The following DGKH variants were observed in gnomAD, a reference collection of about 807,000 sequenced individuals.
DGKH encodes diacylglycerol kinase eta.
A neutral mutation model predicts 159.3 loss-of-function variants in DGKH; 90 were observed. The ratio of observed to expected loss-of-function variants is 0.57; its 90% CI spans 0.48 to 0.67. The LOEUF (loss-of-function observed/expected upper bound fraction) is 0.67, where lower values mean the gene tolerates loss of function less well. Among genes scored for constraint, DGKH ranks in the 30% least tolerant of loss-of-function variants. The probability of loss-of-function intolerance (pLI) is 0.00; values close to 1 mark genes in which losing one functional copy is unlikely to be tolerated. For missense variants in DGKH, 1,181 were observed against 1,506.1 expected, an observed-to-expected ratio of 0.78 and a Z score of 3.57; for synonymous variants, 536 against 553.8, an observed-to-expected ratio of 0.97 and a Z score of 0.45.
At chr13:42,178,834 C>T (rs1242898354) in intron 13 of DGKH, among the ~76,000 whole-genome samples, 1 of 152,018 alleles carries the variant, frequency 6.6e-6, no homozygotes, top group Non-Finnish European at 1.5e-5. Flanking sequence ...GAAGGGGTGA[C>T]ACCAACTGAA....
chr13:42,219,881 G>A, intron 28 of DGKH, 87 bp downstream of exon 28: 1 of 1,149,742 alleles, frequency 8.7e-7, no homozygotes. Context: ...AAAATGTTCT[G>A]GAGCTAGATG....
chr13:42,041,948 G>C (rs1347639977), intron 1 of DGKH, among the ~76,000 whole-genome samples: 1 of 152,214 alleles, frequency 6.6e-6, no homozygotes, highest in Non-Finnish European at 1.5e-5. Flanking sequence ...TCAGGTGCCA[G>C]GGTTGGCTGT....
chr13:42,071,903 C>G (rs895458447), intron 1 of DGKH, among the ~76,000 whole-genome samples: 2 of 152,162 alleles, frequency 1.3e-5, no homozygotes, highest in African/African-American at 4.8e-5. Flanking sequence ...TTAAAAGGAA[C>G]AACCCTGAGA....
At position 42,210,681 on chromosome 13, in the gene DGKH, A is replaced by G. The variant is rs1366943797; in HGVS notation, c.2930A>G (p.Tyr977Cys). The change falls in exon 24 of 30, where the codon TAC becomes TGC. Residue 977 changes from tyrosine (Y) to cysteine (C), a missense_variant. Around this residue, in one of 5 missense-constraint regions of DGKH, gnomAD observed 335 missense variants for 495.2 expected, o/e 0.68. Coordinates refer to ENST00000337343, the MANE Select transcript of DGKH (RefSeq NM_178009.5). ...AAACCAGTTCTCCGAACCCATTTGT[A>G]CATCCATCACGCCATTGACTTGGCA... ...SGKPVLRTHL[Y>C]IHHAIDLATE... is the part of the protein sequence containing the mutation. The G allele has an allele frequency of 2.5e-6, 4 of 1,612,172 alleles. No individual in the cohort carries two copies. The highest frequency in any genetic ancestry group is 2.5e-6 in the Non-Finnish European group (3 of 1,179,952).
At chr13:42,205,305 C>G (rs1322457568) in intron 20 of DGKH, among the ~76,000 whole-genome samples, 7 of 152,138 alleles carry the variant, frequency 4.6e-5, no homozygotes, top group African/African-American at 1.7e-4. Context: ...CTAATTGTTT[C>G]CTTAATAGCC....
Position 42,143,545 on chromosome 13 carries a change from G to A in DGKH, c.385-11746G>A, listed in dbSNP as rs530181422. ...GTCTGGTCCTGGACTTTTTTTGGTT[G>A]GTAAGCTATTAATTATTGCCTCAAT... On this transcript the variant is annotated intron_variant, in intron 3 of 29. Transcript: ENST00000337343. Among the ~76,000 whole-genome samples the A allele has an allele frequency of 2.9e-3, 444 of 152,140 alleles. 2 individuals are homozygous for A. Among genetic ancestry groups the A allele is most frequent in the African/African-American group, 0.01 (432 of 41,488 alleles).
chr13:42,152,798 G>C (rs1020969988), intron 3 of DGKH, among the ~76,000 whole-genome samples: 11 of 151,868 alleles, frequency 7.2e-5, no homozygotes. Context: ...GGACTCCTCC[G>C]CGGGACCTGT....
In DGKH at chr13:42,142,156, G is replaced by A. The variant is rs141334971; in HGVS notation, c.384+12524G>A. On this transcript the variant is annotated intron_variant, in intron 3 of 29. Coordinates refer to ENST00000337343, the MANE Select transcript of DGKH (RefSeq NM_178009.5). ...AGCACCATTTATTAAATAGGGAATCGTTTCCCCATTTCTTGTTTTAGTCAG... is the reference window on the plus strand; with the variant it reads ...AGCACCATTTATTAAATAGGGAATCATTTCCCCATTTCTTGTTTTAGTCAG... Among the ~76,000 whole-genome samples the A allele has an allele frequency of 7.9e-3, 1,202 of 152,040 alleles. 14 individuals carry two copies. Among genetic ancestry groups the A allele is most frequent in the African/African-American group, 0.027 (1,112 of 41,474 alleles).
chr13:42,125,918 A>G (rs1219694461), intron 1 of DGKH, among the ~76,000 whole-genome samples: 1 of 152,160 alleles, frequency 6.6e-6, no homozygotes, highest in East Asian at 1.9e-4. Flanking sequence ...ATCCAGTGGG[A>G]TGATTAAAAA....
At chr13:42,191,270 C>T (rs925405989) in intron 16 of DGKH, among the ~76,000 whole-genome samples, 7 of 152,068 alleles carry the variant, frequency 4.6e-5, no homozygotes, top group Non-Finnish European at 1.0e-4. Flanking sequence ...ATACATGGCA[C>T]TTATGAAAAG....
chr13:42,225,205 G>A (rs1452994247), intron 29 of DGKH: 1 of 1,393,306 alleles, frequency 7.2e-7, no homozygotes, highest in African/African-American at 1.4e-5. Flanking sequence ...TTACTGGTGT[G>A]AGCCACCATG....
At chr13:42,054,123 A>G (rs1048115672) in intron 1 of DGKH, among the ~76,000 whole-genome samples, 1 of 152,242 alleles carries the variant, frequency 6.6e-6, no homozygotes, top group Non-Finnish European at 1.5e-5. Flanking sequence ...CACAAACCCT[A>G]GGTGAAGTAT....
downstream of DGKH, among the ~76,000 whole-genome samples, chr13:42,244,637 G>A (rs1269162993): frequency 6.6e-6 from 1 of 152,118 alleles, no homozygotes; most frequent in African/African-American, 2.4e-5. Context: ...GGGCGCGGTG[G>A]CTCACGCCTG....
intron 1 of DGKH, among the ~76,000 whole-genome samples, chr13:42,071,467 A>G (rs1312283970): frequency 6.6e-6 from 1 of 152,386 alleles, no homozygotes; most frequent in East Asian, 1.9e-4. Flanking sequence ...ATGTGAATAA[A>G]TATGCACACA....
chr13:42,252,800 T>G (rs866927315), intron 30 of DGKH, among the ~76,000 whole-genome samples: 6 of 151,432 alleles, frequency 4.0e-5, no homozygotes, highest in South Asian at 2.1e-4. Flanking sequence ...CAGGCTAGAG[T>G]GCAGTAGTGC....
At position 42,160,792 on chromosome 13, in the gene DGKH, C is replaced by G. The variant is rs370560180; in HGVS notation, c.855+656C>G. Among the ~76,000 whole-genome samples, 3 of 152,142 alleles carry G rather than the reference C, an allele frequency of 2.0e-5. No homozygotes were observed. In the East Asian group the frequency reaches 5.8e-4, roughly 29 times the overall value. On this transcript the variant is annotated intron_variant, in intron 7 of 29. Transcript: ENST00000337343. ...CTTATTTGGTGGTTTTGAGTCTTGTCTTTTAACATTGCTGGCTGAAATTTG... is the reference window on the plus strand; with the variant it reads ...CTTATTTGGTGGTTTTGAGTCTTGTGTTTTAACATTGCTGGCTGAAATTTG...
rs554889906 is a variant in DGKH at position 42,200,968 on chromosome 13, G to A, written c.2493+1059G>A. 6.9e-4 allele frequency among the ~76,000 whole-genome samples: 104 copies of A among 150,146 alleles called. 1 individual carries two copies. In the Middle Eastern group the frequency reaches 0.01, roughly 15 times the overall value. On this transcript the variant is annotated intron_variant, in intron 20 of 29. Coordinates refer to ENST00000337343, the MANE Select transcript of DGKH (RefSeq NM_178009.5). ...ATTCCTTTTTTTCTTCATGTACCCC[G>A]GTTGGCCACATTCTTTTTATTTATT...
chr13:42,239,975 C>T lies in DGKH; in HGVS notation c.*10787C>T, dbSNP rs1958486640. Reference sequence around the variant, plus strand: ...GTTCAAATTTAACTTTCTGTGAAGCCCTACCTGACTTCCCTAGGCAGGTAT... The same window carrying T: ...GTTCAAATTTAACTTTCTGTGAAGCTCTACCTGACTTCCCTAGGCAGGTAT... On this transcript the variant is annotated 3_prime_UTR_variant, in exon 30 of 30. Transcript: ENST00000337343. The T allele has an allele frequency of 2.0e-5, 3 of 152,128 alleles. No homozygotes were observed. The highest frequency in any genetic ancestry group is 7.2e-5 in the African/African-American group (3 of 41,432). The allele number at this position is 152,128 out of a possible 1,614,324, so 9.4% of individuals were successfully genotyped here.
intron 1 of DGKH, among the ~76,000 whole-genome samples, chr13:42,056,914 C>T (rs1306919637): frequency 6.6e-6 from 1 of 152,118 alleles, no homozygotes; most frequent in Non-Finnish European, 1.5e-5. Flanking sequence ...AATCCATGAG[C>T]ATATCTCTCA....
Sources: gnomAD v4.1 joint callset for allele counts (sites outside exome capture counted in the v4.1 genomes callset) on GRCh38, gnomAD v4.1.1 for gene constraint, gnomAD v4.1.1 regional missense constraint, MANE v1.5 for transcripts, NCBI Gene and HGNC (gene_info 2026-07-23, HGNC 2026-07-21) for gene names.